ALG9: variants seen among roughly 807,000 people sequenced by gnomAD.
ALG9 encodes alpha-1,2-mannosyltransferase ALG9.
A neutral mutation model predicts 81.8 loss-of-function variants in ALG9; 55 were observed. The observed-to-expected ratio is 0.67, with a 90% CI of 0.54 to 0.84. ALG9 has a LOEUF of 0.84. ALG9 is among the 40% of genes least tolerant of loss of function. The probability of loss-of-function intolerance (pLI) is 0.00; values close to 1 mark genes in which losing one functional copy is unlikely to be tolerated. For synonymous variants in ALG9, 278 were observed against 274.3 expected, an observed-to-expected ratio of 1.01 and a Z score of -0.13; for missense variants, 629 against 745.0, an observed-to-expected ratio of 0.84 and a Z score of 1.81.
chr11:111,799,865 T>C (rs1555078987), intron 14 of ALG9, among the ~76,000 whole-genome samples: 4 of 152,192 alleles, frequency 2.6e-5, no homozygotes, highest in Non-Finnish European at 2.9e-5. Flanking sequence ...GGGCCCCTCA[T>C]CCAACAGGCA....
At chr11:111,791,648 G>A (rs188579444) in intron 14 of ALG9, among the ~76,000 whole-genome samples, 42 of 152,186 alleles carry the variant, frequency 2.8e-4, no homozygotes, top group Admixed American at 1.8e-3. Flanking sequence ...TCTACACTCC[G>A]GCCACACCAG....
At chr11:111,815,311 G>T (rs150185006) in intron 13 of ALG9, among the ~76,000 whole-genome samples, 153 of 152,094 alleles carry the variant, frequency 1.0e-3, no homozygotes, top group African/African-American at 3.5e-3. Context: ...AGTCTGAGGC[G>T]GGAGGATCGC....
chr11:111,814,570 T>C (rs1412547782), intron 13 of ALG9: 3 of 152,230 alleles, frequency 2.0e-5, no homozygotes, highest in Non-Finnish European at 2.9e-5. Flanking sequence ...TAGAAGTGCA[T>C]ACAAAAACAA....
rs573724280 is a variant in ALG9 at position 111,855,912 on chromosome 11, C to T, written c.701+1690G>A. ...TTAAGAAATTTTAAAATGGACTATT[C>T]TCTTAGTAACTCCCCTCATAAAAAT... On this transcript the variant is annotated intron_variant, in intron 6 of 14. Transcript: ENST00000616540. Among the ~76,000 whole-genome samples the T allele has an allele frequency of 3.9e-5, 6 of 152,252 alleles. No individual in the cohort carries two copies. In the South Asian group the frequency reaches 1.0e-3, roughly 26 times the overall value.
intron 14 of ALG9, among the ~76,000 whole-genome samples, chr11:111,802,144 C>G (rs117575552): frequency 3.3e-5 from 5 of 152,208 alleles, no homozygotes; most frequent in Non-Finnish European, 5.9e-5. Context: ...CTTAAGGTCA[C>G]GGTTACTCAT....
chr11:111,850,700 C>T lies in ALG9; in HGVS notation c.895+2680G>A, dbSNP rs1957641011. Among the ~76,000 whole-genome samples the T allele has an allele frequency of 1.5e-4, 3 of 19,480 alleles. No individual in the cohort carries two copies. In the African/African-American group the frequency reaches 1.7e-3, roughly 11 times the overall value. 12.8% of individuals were successfully genotyped at this position (19,480 alleles called of 152,430 possible). A position where few individuals can be genotyped will look rare whatever the true frequency, so the allele number is the denominator to read the frequency against. Reference sequence around the variant, plus strand: ...CCAGCCCGGGTGACAGAGCGAGATACTGTCTCAAAAAAAAAAAAAAAAAAT... The same window carrying T: ...CCAGCCCGGGTGACAGAGCGAGATATTGTCTCAAAAAAAAAAAAAAAAAAT... On this transcript the variant is annotated intron_variant, in intron 8 of 14. Coordinates refer to ENST00000616540, the MANE Select transcript of ALG9 (RefSeq NM_024740.2).
chr11:111,773,591 GCCTTA>G, the ALG9 span, among the ~76,000 whole-genome samples: 1 of 151,936 alleles, frequency 6.6e-6, no homozygotes, highest in Admixed American at 6.6e-5. Flanking sequence ...TTTCTCAAAA[GCCTTA>G]GGCCTTTGAG....
In ALG9 at chr11:111,786,036, A is replaced by G. The variant is rs1555062828; in HGVS notation, c.*361T>C. On this transcript the variant is annotated 3_prime_UTR_variant, in exon 15 of 15. Coordinates refer to ENST00000616540, the MANE Select transcript of ALG9 (RefSeq NM_024740.2). ...CAGAGTGTGGAGAACAGCTTATCACAGCCATCCAGTACCAGGATTTTCAAT... is the reference window on the plus strand; with the variant it reads ...CAGAGTGTGGAGAACAGCTTATCACGGCCATCCAGTACCAGGATTTTCAAT... The G allele has an allele frequency of 2.2e-6, 1 of 458,058 alleles. No homozygotes were observed. Among genetic ancestry groups the G allele is most frequent in the African/African-American group, 2.0e-5 (1 of 50,156 alleles). The allele number at this position is 458,058 out of a possible 1,614,324, so 28.4% of individuals were successfully genotyped here. A position where few individuals can be genotyped will look rare whatever the true frequency, so the allele number is the denominator to read the frequency against.
chr11:111,870,983 T>A, intron 1 of ALG9: 1 of 1,023,688 alleles, frequency 9.8e-7, no homozygotes. Context: ...GCGGGTTGGA[T>A]GGGCCCAGTA....
At chr11:111,781,726 C>A (rs1353534291), downstream of ALG9, among the ~76,000 whole-genome samples, 1 of 152,126 alleles carries the variant, frequency 6.6e-6, no homozygotes, top group Non-Finnish European at 1.5e-5. Context: ...TGGCTCACTG[C>A]AACCTCCACC....
Position 111,809,843 on chromosome 11 carries a change from G to A in ALG9, c.1603-70C>T, listed in dbSNP as rs1219907493. On this transcript the variant is annotated intron_variant, in intron 13 of 14. Coordinates refer to ENST00000616540, the MANE Select transcript of ALG9 (RefSeq NM_024740.2). ...CCCTTCAGGGTAGAGAACAGCAATT[G>A]CAATCCTAAAAATTTACAGAGCTTT... 7 of 1,565,356 alleles carry A rather than the reference G, an allele frequency of 4.5e-6. No homozygotes were observed. In the East Asian group the frequency reaches 6.8e-5, roughly 15 times the overall value.
intron 14 of ALG9, chr11:111,797,960 A>T (rs952903046): frequency 2.6e-5 from 4 of 155,234 alleles, no homozygotes; most frequent in African/African-American, 9.6e-5. Flanking sequence ...TACCAGCTAA[A>T]GGTTCAACAT....
intron 13 of ALG9, among the ~76,000 whole-genome samples, chr11:111,820,947 C>CACACACACACA (rs548465357): frequency 6.8e-6 from 1 of 146,814 alleles, no homozygotes; most frequent in Non-Finnish European, 1.5e-5. Context: ...CACACACACA[C>CACACACACACA]AAGCCAGGTA....
At chr11:111,870,719 C>A (rs2137302323) in intron 1 of ALG9, 1 of 1,032,058 alleles carries the variant, frequency 9.7e-7, no homozygotes, top group African/African-American at 1.7e-5. Context: ...AACTCATACA[C>A]TTTAGCTCAA....
At chr11:111,802,763 A>C (rs1949321177) in intron 14 of ALG9, among the ~76,000 whole-genome samples, 1 of 152,240 alleles carries the variant, frequency 6.6e-6, no homozygotes, top group Admixed American at 6.5e-5. Context: ...AAAAGCAACT[A>C]CATGGCCCCG....
intron 14 of ALG9, among the ~76,000 whole-genome samples, chr11:111,791,842 A>G (rs1424240840): frequency 3.3e-5 from 5 of 152,264 alleles, no homozygotes; most frequent in Admixed American, 6.5e-5. Context: ...CTGTAATCCC[A>G]GCACTTTGGG....
At chr11:111,868,371 A>G (rs143748246) in intron 3 of ALG9, among the ~76,000 whole-genome samples, 1 of 152,336 alleles carries the variant, frequency 6.6e-6, no homozygotes, top group East Asian at 1.9e-4. Flanking sequence ...CTAAACCACA[A>G]GTTTCATTAA....
rs552227676 is a variant in ALG9 at position 111,799,020 on chromosome 11, T to C, written c.1733+10623A>G. Among the ~76,000 whole-genome samples the C allele has an allele frequency of 2.6e-5, 4 of 152,376 alleles. No individual in the cohort carries two copies. The East Asian group carries it at 7.7e-4, about 29-fold the overall frequency. ...AGGATGTTGCTTATCTTGCAACAAT[T>C]TCAACAGGCTTCTTCATACATTCAC... is the stretch of plus-strand genomic sequence containing the variant. On this transcript the variant is annotated intron_variant, in intron 14 of 14. Coordinates refer to ENST00000616540, the MANE Select transcript of ALG9 (RefSeq NM_024740.2).
chr11:111,863,489 A>T (rs1961094334), intron 4 of ALG9, among the ~76,000 whole-genome samples: 1 of 152,314 alleles, frequency 6.6e-6, no homozygotes, highest in Admixed American at 6.5e-5. Flanking sequence ...CAAAGGCAGC[A>T]CTAGCTTTAC....
Sources: allele counts gnomAD v4.1 joint callset (sites outside exome capture counted in the v4.1 genomes callset), GRCh38; gene constraint gnomAD v4.1.1; transcripts MANE v1.5; gene names NCBI Gene and HGNC (gene_info 2026-07-23, HGNC 2026-07-21).